Variants in RBFOX1 observed in about 807,000 individuals in gnomAD.
RBFOX1 encodes RNA binding fox-1 homolog 1, also known as RNA binding protein fox-1 homolog 1.
A neutral mutation model predicts 57.7 loss-of-function variants in RBFOX1; 8 were observed. The observed-to-expected ratio is 0.14, with a 90% CI of 0.08 to 0.25. RBFOX1 has a LOEUF of 0.25. Ranked by LOEUF, RBFOX1 falls within the 10% of genes least tolerant of loss-of-function variation. The probability of loss-of-function intolerance (pLI) is 1.00; values close to 1 mark genes in which losing one functional copy is unlikely to be tolerated. For synonymous variants in RBFOX1, 326 were observed against 222.4 expected (o/e 1.47, Z -4.15); for missense variants, 611 against 548.5 (o/e 1.11, Z -1.14).
rs143524694 is a variant in RBFOX1 at position 6,648,033 on chromosome 16, G to A, written c.-63-6570G>A. On this transcript the variant is annotated intron_variant, in intron 2 of 15. Transcript: ENST00000550418. ...ATTTTTGTATTTTTAGTAGAGACAG[G>A]GGTTTCATTTTCTTGCCCAGACAGG... Among the ~76,000 whole-genome samples the A allele has an allele frequency of 2.7e-3, 410 of 152,084 alleles. 5 individuals carry two copies. The highest frequency in any genetic ancestry group is 0.021 in the Admixed American group (327 of 15,276).
At chr16:5,905,376 G>A (rs1022371759) in intron 4 of RBFOX1, among the ~76,000 whole-genome samples, 1 of 151,992 alleles carries the variant, frequency 6.6e-6, no homozygotes, top group Non-Finnish European at 1.5e-5. Flanking sequence ...TACAAGGAGA[G>A]ATGATTAGGA....
intron 3 of RBFOX1, among the ~76,000 whole-genome samples, chr16:6,720,151 G>A (rs1370387535): frequency 6.6e-6 from 1 of 151,996 alleles, no homozygotes. Flanking sequence ...TGCATGCTTA[G>A]CAAAATATCT....
intron 1 of RBFOX1, among the ~76,000 whole-genome samples, chr16:6,205,095 C>T (rs936565220): frequency 9.9e-5 from 15 of 152,076 alleles, no homozygotes; most frequent in African/African-American, 3.1e-4. Context: ...GCTCTGTCAC[C>T]AGGCCCTCTC....
chr16:5,983,334 C>A (rs2060211639), intron 4 of RBFOX1, among the ~76,000 whole-genome samples: 2 of 152,236 alleles, frequency 1.3e-5, no homozygotes, highest in Non-Finnish European at 2.9e-5. Context: ...TATTCCCTGA[C>A]AGCTCCTGCA....
chr16:5,428,107 T>G (rs996684194), intron 1 of RBFOX1, among the ~76,000 whole-genome samples: 41 of 100,888 alleles, frequency 4.1e-4, no homozygotes, highest in Non-Finnish European at 7.3e-4. Context: ...TCTGGAAGGG[T>G]GTGTGTGTGT....
intron 4 of RBFOX1, among the ~76,000 whole-genome samples, chr16:7,466,898 C>T (rs1244783389): frequency 6.6e-6 from 1 of 152,096 alleles, no homozygotes; most frequent in Non-Finnish European, 1.5e-5. Context: ...GGAATGGTCT[C>T]TATGAATTTG....
chr16:6,473,652 G>C (rs2095227142), intron 2 of RBFOX1, among the ~76,000 whole-genome samples: 1 of 152,110 alleles, frequency 6.6e-6, no homozygotes, highest in Non-Finnish European at 1.5e-5. Context: ...TTCAGAGCTT[G>C]CTATAGCAAG....
At chr16:5,827,790 C>T (rs1252509681) in intron 3 of RBFOX1, among the ~76,000 whole-genome samples, 6 of 152,118 alleles carry the variant, frequency 3.9e-5, no homozygotes, top group Non-Finnish European at 5.9e-5. Flanking sequence ...TTTTCTCCTA[C>T]ACTCGTCCAT....
chr16:5,659,711 A>C (rs906798684), intron 3 of RBFOX1, among the ~76,000 whole-genome samples: 2 of 152,198 alleles, frequency 1.3e-5, no homozygotes, highest in Non-Finnish European at 2.9e-5. Flanking sequence ...ATGATTATTT[A>C]CATGAACTCT....
At chr16:6,811,653 G>A (rs1212721643) in intron 3 of RBFOX1, among the ~76,000 whole-genome samples, 2 of 152,160 alleles carry the variant, frequency 1.3e-5, no homozygotes, top group African/African-American at 2.4e-5. Context: ...ACTTTGGGAG[G>A]CTAAGGCGGG....
Position 5,588,507 on chromosome 16 carries a change from A to T in RBFOX1, c.259-10395A>T, listed in dbSNP as rs1280749159. On this transcript the variant is annotated intron_variant, in intron 2 of 2. Transcript: ENST00000585867. ...ATTCTGCTTTTTTTTCTAGTTTTAC[A>T]GTCCAGGCAATCCAGGCACTTCATC... Among the ~76,000 whole-genome samples the T allele has an allele frequency of 6.6e-5, 10 of 152,314 alleles. No homozygotes were observed. The East Asian group carries it at 1.5e-3, about 24-fold the overall frequency.
At chr16:6,343,149 C>G (rs1310499873) in intron 2 of RBFOX1, among the ~76,000 whole-genome samples, 1 of 152,158 alleles carries the variant, frequency 6.6e-6, no homozygotes, top group Non-Finnish European at 1.5e-5. Context: ...CTCTTCCTCT[C>G]TGTTCTTTTC....
chr16:7,075,220 C>T (rs777655127), intron 4 of RBFOX1, among the ~76,000 whole-genome samples: 1 of 152,182 alleles, frequency 6.6e-6, no homozygotes, highest in Non-Finnish European at 1.5e-5. Context: ...GAATCCACTT[C>T]TGGGTACCAA....
At chr16:6,910,944 T>C (rs1384623608) in intron 3 of RBFOX1, among the ~76,000 whole-genome samples, 1 of 152,160 alleles carries the variant, frequency 6.6e-6, no homozygotes, top group South Asian at 2.1e-4. Flanking sequence ...CTCACACCTG[T>C]AATCCCAGCA....
At chr16:7,217,987 CAT>C (rs2092372399) in intron 4 of RBFOX1, among the ~76,000 whole-genome samples, 1 of 150,360 alleles carries the variant, frequency 6.7e-6, no homozygotes, top group African/African-American at 2.5e-5. Context: ...TGTGCATGTG[CAT>C]GTGTGCACGT....
At chr16:6,994,164 G>C (rs2091926690) in intron 3 of RBFOX1, among the ~76,000 whole-genome samples, 1 of 152,112 alleles carries the variant, frequency 6.6e-6, no homozygotes, top group Non-Finnish European at 1.5e-5. Flanking sequence ...CGGGATCAGG[G>C]AGCCACAGGA....
intron 2 of RBFOX1, among the ~76,000 whole-genome samples, chr16:6,479,892 A>G (rs1184211422): frequency 6.6e-6 from 1 of 151,836 alleles, no homozygotes; most frequent in Non-Finnish European, 1.5e-5. Context: ...TCTACTAAAA[A>G]TACAAAAAAT....
intron 4 of RBFOX1, among the ~76,000 whole-genome samples, chr16:7,216,258 C>T (rs565097073): frequency 2.4e-4 from 37 of 152,296 alleles, no homozygotes; most frequent in African/African-American, 6.5e-4. Context: ...TTAAGAACAT[C>T]GGAAAGTCCA....
At chr16:5,736,450 T>G (rs1329250577) in intron 3 of RBFOX1, among the ~76,000 whole-genome samples, 8 of 151,966 alleles carry the variant, frequency 5.3e-5, no homozygotes, top group Admixed American at 5.2e-4. Flanking sequence ...GGGCTGCTGC[T>G]TGTCCCAGCT....
Sources: gnomAD v4.1 joint callset for allele counts (sites outside exome capture counted in the v4.1 genomes callset) on GRCh38, gnomAD v4.1.1 for gene constraint, MANE v1.5 for transcripts, NCBI Gene and HGNC (gene_info 2026-07-23, HGNC 2026-07-21) for gene names.